MAPK6: variants seen among roughly 807,000 people sequenced by gnomAD.
The protein encoded by MAPK6 is mitogen-activated protein kinase 6.
MAPK6 carries 19 observed loss-of-function variants against 59.3 expected under a neutral mutation model. That is an observed-to-expected ratio of 0.32 (90% CI 0.22 to 0.47). The LOEUF is 0.47. Ranked by LOEUF, MAPK6 falls within the 20% of genes least tolerant of loss-of-function variation. MAPK6 has a pLI of 1.00. For missense variants in MAPK6, 724 were observed against 847.9 expected, an observed-to-expected ratio of 0.85 and a Z score of 1.81; for synonymous variants, 316 against 290.3, an observed-to-expected ratio of 1.09 and a Z score of -0.90.
chr15:51,992,488 T>C (rs1202182831), intron 2 of MAPK6, among the ~76,000 whole-genome samples: 1 of 151,684 alleles, frequency 6.6e-6, no homozygotes, highest in Non-Finnish European at 1.5e-5. Context: ...TTTTTTTTAG[T>C]AGAGACGGGG....
intron 1 of MAPK6, among the ~76,000 whole-genome samples, chr15:52,042,577 T>G (rs1035764599): frequency 6.6e-6 from 1 of 152,162 alleles, no homozygotes; most frequent in Non-Finnish European, 1.5e-5. Context: ...TGAGTAAGGA[T>G]CTCTCATTTT....
chr15:52,045,563 G>A (rs75755720), intron 1 of MAPK6, among the ~76,000 whole-genome samples: 2,137 of 152,106 alleles, frequency 0.014, 63 homozygotes, highest in African/African-American at 0.05. Flanking sequence ...ATACTTGTTG[G>A]CATTTCAGAA....
intron 1 of MAPK6, among the ~76,000 whole-genome samples, chr15:52,029,518 TGA>T (rs2030947358): frequency 6.6e-6 from 1 of 152,228 alleles, no homozygotes; most frequent in Non-Finnish European, 1.5e-5. Flanking sequence ...ACTTCTTGCC[TGA>T]GCTCCAGACA....
intron 2 of MAPK6, among the ~76,000 whole-genome samples, chr15:51,998,504 CTT>C (rs368179816): frequency 5.4e-5 from 7 of 128,532 alleles, no homozygotes; most frequent in Admixed American, 8.0e-5. Context: ...CGCACCTGGC[CTT>C]TTTTTTTTTT....
At chr15:52,016,070 G>GCGCACA, upstream of MAPK6, among the ~76,000 whole-genome samples, 686 of 55,394 alleles carry the variant, frequency 0.012, 11 homozygotes, top group Middle Eastern at 0.021. Flanking sequence ...GCGCGCGCGC[G>GCGCACA]CACACACACA....
At chr15:52,053,618 GATT>G (rs2031860847) in intron 3 of MAPK6, among the ~76,000 whole-genome samples, 2 of 132,340 alleles carry the variant, frequency 1.5e-5, no homozygotes, top group African/African-American at 3.3e-5. Context: ...TTGATTGATT[GATT>G]GATTGGTTGA....
Position 52,046,445 on chromosome 15 carries a change from TAGTAAGG to T in MAPK6, c.-15_-9del, listed in dbSNP as rs1238691349. The T allele has an allele frequency of 6.4e-7, 1 of 1,569,356 alleles. No homozygotes were observed. The highest frequency in any genetic ancestry group is 8.6e-7 in the Non-Finnish European group (1 of 1,156,266). ...AGTTCAATTTGAAAGGAAAAGGCAA[TAGTAAGG>T]GTTTCAAAATGGCAGAGAAATTTGA... On this transcript the variant is annotated 5_prime_UTR_variant, in exon 2 of 6. It adds an upstream start codon to the 5' untranslated region. Coordinates refer to ENST00000261845, the MANE Select transcript of MAPK6 (RefSeq NM_002748.4).
At chr15:52,055,738 AC>A (rs1444394194) in intron 3 of MAPK6, among the ~76,000 whole-genome samples, 1 of 151,138 alleles carries the variant, frequency 6.6e-6, no homozygotes, top group Non-Finnish European at 1.5e-5. Flanking sequence ...TTGGTGTTGA[AC>A]TCCTGACCTC....
Position 52,063,951 on chromosome 15 carries a change from TTTGATA to T in MAPK6, c.1123_1128del (p.Ile375_Asp376del). On this transcript the variant is annotated inframe_deletion, in exon 6 of 6. Transcript: ENST00000261845. Reference sequence around the variant, plus strand: ...GCATGATTGGCCTGTACATAACAACTTTGATATTGATGAAGTTCAGCTTGATCCAAG... The same window carrying T: ...GCATGATTGGCCTGTACATAACAACTTTGATGAAGTTCAGCTTGATCCAAG... The T allele has an allele frequency of 6.2e-7, 1 of 1,602,182 alleles. No individual in the cohort carries two copies. Among genetic ancestry groups the T allele is most frequent in the Non-Finnish European group, 8.5e-7 (1 of 1,174,468 alleles).
At chr15:52,012,434 G>C (rs553865454) in intron 3 of MAPK6, among the ~76,000 whole-genome samples, 1 of 151,972 alleles carries the variant, frequency 6.6e-6, no homozygotes, top group Non-Finnish European at 1.5e-5. Flanking sequence ...ATTTTGTTAC[G>C]TTTTTTTGGC....
intron 2 of MAPK6, among the ~76,000 whole-genome samples, chr15:51,993,611 T>G (rs2057216102): frequency 6.6e-6 from 1 of 152,120 alleles, no homozygotes; most frequent in Admixed American, 6.6e-5. Context: ...GAAATAAATA[T>G]AGATGTAAAT....
At position 52,055,037 on chromosome 15, in the gene MAPK6, C is replaced by A. The variant is rs371139812; in HGVS notation, c.701-3596C>A. ...TCAGGTGATCTGTGTGCCTTGGCCTCCCACAGTGCTGGGATTACAGGCAAG... is the reference window on the plus strand; with the variant it reads ...TCAGGTGATCTGTGTGCCTTGGCCTACCACAGTGCTGGGATTACAGGCAAG... On this transcript the variant is annotated intron_variant, in intron 3 of 5. Transcript: ENST00000261845. Among the ~76,000 whole-genome samples, 7 of 152,344 alleles carry A rather than the reference C, an allele frequency of 4.6e-5. No individual in the cohort carries two copies. The East Asian group carries it at 9.6e-4, about 21-fold the overall frequency.
intron 1 of MAPK6, chr15:52,034,109 C>CTGA (rs2031148736): frequency 6.6e-6 from 1 of 152,210 alleles, no homozygotes; most frequent in Non-Finnish European, 1.5e-5. Context: ...CCTCAGCCTC[C>CTGA]TGAGTAGCTG....
chr15:52,020,522 G>A (rs1417332009), intron 1 of MAPK6, among the ~76,000 whole-genome samples: 1 of 151,926 alleles, frequency 6.6e-6, no homozygotes, highest in Non-Finnish European at 1.5e-5. Flanking sequence ...ATACAATGAA[G>A]AGCAAGCAGC....
At chr15:51,982,690 TAAAA>T (rs952849740) in intron 1 of MAPK6, among the ~76,000 whole-genome samples, 3 of 151,958 alleles carry the variant, frequency 2.0e-5, no homozygotes, top group Non-Finnish European at 4.4e-5. Flanking sequence ...TAAAAAAAAA[TAAAA>T]AAGGTATTTT....
intron 5 of MAPK6, among the ~76,000 whole-genome samples, chr15:52,061,835 T>TTAA (rs565534434): frequency 3.2e-4 from 49 of 152,236 alleles, no homozygotes; most frequent in African/African-American, 1.2e-3. Context: ...ATTAAAACAT[T>TTAA]TAATAAAGTA....
intron 1 of MAPK6, among the ~76,000 whole-genome samples, chr15:52,037,316 A>G (rs894330919): frequency 6.6e-6 from 1 of 152,168 alleles, no homozygotes; most frequent in Non-Finnish European, 1.5e-5. Flanking sequence ...GCCTTGCATA[A>G]TGTGACCTTC....
intron 2 of MAPK6, among the ~76,000 whole-genome samples, chr15:52,049,575 A>C (rs1354421407): frequency 6.8e-6 from 1 of 147,550 alleles, no homozygotes. Flanking sequence ...TGATCCACCT[A>C]CCTCGGCCTC....
chr15:51,975,633 A>G (rs2057155145), intron 1 of MAPK6, among the ~76,000 whole-genome samples: 1 of 151,924 alleles, frequency 6.6e-6, no homozygotes, highest in South Asian at 2.1e-4. Context: ...ACTTAGAGGA[A>G]AAATAACAGA....
Sources: gnomAD v4.1 joint callset for allele counts (sites outside exome capture counted in the v4.1 genomes callset) on GRCh38, gnomAD v4.1.1 for gene constraint, MANE v1.5 for transcripts, NCBI Gene and HGNC (gene_info 2026-07-23, HGNC 2026-07-21) for gene names.